The following STEAP1B variants were observed in gnomAD, a reference collection of about 807,000 sequenced individuals.
The protein encoded by STEAP1B is STEAP family protein MGC87042.
A neutral mutation model predicts 27.9 loss-of-function variants in STEAP1B; 13 were observed. That is an observed-to-expected ratio of 0.47 (90% CI 0.30 to 0.74). STEAP1B has a LOEUF of 0.74. STEAP1B is among the 30% of genes least tolerant of loss of function. The pLI, the probability that STEAP1B is intolerant of heterozygous loss-of-function variation, is 0.06. For missense variants in STEAP1B, 250 were observed against 298.7 expected, an observed-to-expected ratio of 0.84 and a Z score of 1.20; for synonymous variants, 86 against 107.1, an observed-to-expected ratio of 0.80 and a Z score of 1.22.
chr7:22,488,942 C>G, intron 4 of STEAP1B, among the ~76,000 whole-genome samples: 1 of 152,134 alleles, frequency 6.6e-6, no homozygotes, highest in East Asian at 1.9e-4. Context: ...GTTGAAGAAG[C>G]CATAAAAATG....
chr7:22,452,396 C>A (rs1220221109), intron 4 of STEAP1B, among the ~76,000 whole-genome samples: 1 of 152,054 alleles, frequency 6.6e-6, no homozygotes, highest in Non-Finnish European at 1.5e-5. Flanking sequence ...AGGCTCCCTG[C>A]AGCGCCCTCT....
intron 4 of STEAP1B, among the ~76,000 whole-genome samples, chr7:22,467,835 C>T (rs967872283): frequency 1.1e-4 from 16 of 152,112 alleles, no homozygotes; most frequent in African/African-American, 3.9e-4. Context: ...AATACAAATA[C>T]CCTACCAAGA....
At position 22,474,863 on chromosome 7, in the gene STEAP1B, C is replaced by T. The variant is rs1354580575; in HGVS notation, c.762+17702G>A. On this transcript the variant is annotated intron_variant, in intron 4 of 4. Coordinates refer to ENST00000678116, the MANE Select transcript of STEAP1B (RefSeq NM_001382447.1). ...GGACAGCTCCCATTCCAGTGGTGAG[C>T]CTAAGACCCAGGCAGGTAGCTGTGT... Among the ~76,000 whole-genome samples, 9 of 152,172 alleles carry T rather than the reference C, an allele frequency of 5.9e-5. No individual in the cohort carries two copies. In the South Asian group the frequency reaches 1.9e-3, roughly 32 times the overall value.
At chr7:22,430,726 G>C (rs1026038001) in intron 4 of STEAP1B, among the ~76,000 whole-genome samples, 4 of 152,186 alleles carry the variant, frequency 2.6e-5, no homozygotes, top group Non-Finnish European at 5.9e-5. Context: ...GCTGTTTCCT[G>C]CTGCTTAAAG....
At chr7:22,492,751 A>C (rs768093767) in intron 3 of STEAP1B, 22 bp from the exon 4 acceptor site, 1 of 1,574,378 alleles carries the variant, frequency 6.4e-7, no homozygotes, top group Non-Finnish European at 8.6e-7. Context: ...TAAATAAAGA[A>C]AGAAGAAATG....
intron 4 of STEAP1B, among the ~76,000 whole-genome samples, chr7:22,457,937 C>T (rs1328275902): frequency 1.3e-5 from 2 of 152,142 alleles, no homozygotes; most frequent in Non-Finnish European, 1.5e-5. Flanking sequence ...CCCAAAAAAC[C>T]CCAACAGGAT....
At chr7:22,448,310 AT>A (rs1231353332) in intron 4 of STEAP1B, among the ~76,000 whole-genome samples, 1 of 152,128 alleles carries the variant, frequency 6.6e-6, no homozygotes, top group African/African-American at 2.4e-5. Flanking sequence ...TACCAATTAT[AT>A]TTTTCCATTA....
intron 4 of STEAP1B, among the ~76,000 whole-genome samples, chr7:22,481,794 T>C (rs144256073): frequency 1.7e-4 from 26 of 152,158 alleles, no homozygotes; most frequent in African/African-American, 6.0e-4. Context: ...AGCCAGAGGA[T>C]TGTGTTGAAA....
intron 4 of STEAP1B, among the ~76,000 whole-genome samples, chr7:22,472,536 T>G (rs1785903018): frequency 6.6e-6 from 1 of 152,234 alleles, no homozygotes; most frequent in African/African-American, 2.4e-5. Flanking sequence ...TTTAGAAGTT[T>G]TACGGCAAGT....
At chr7:22,446,126 C>A (rs1785406085) in intron 4 of STEAP1B, among the ~76,000 whole-genome samples, 1 of 152,220 alleles carries the variant, frequency 6.6e-6, no homozygotes, top group African/African-American at 2.4e-5. Context: ...TATTTAAAAG[C>A]TGGGCTGTAT....
intron 4 of STEAP1B, among the ~76,000 whole-genome samples, chr7:22,456,599 T>C (rs1047136385): frequency 6.6e-6 from 1 of 152,162 alleles, no homozygotes; most frequent in African/African-American, 2.4e-5. Context: ...TTTTTACTTA[T>C]GCCCATTTTG....
rs747196839 is a variant in STEAP1B, at chr7:22,493,721, A to G, written c.200T>C (p.Leu67Pro). Residue 67 changes from leucine to proline, a missense_variant, in exon 3 of 5, where the codon CTC becomes CCC. Coordinates refer to ENST00000678116, the MANE Select transcript of STEAP1B (RefSeq NM_001382447.1). ...CPSELQHAQELFPQWHLPIKI... is the reference protein window; with the variant it reads ...CPSELQHAQEPFPQWHLPIKI... ...AATTGGCAAGTGCCACTGTGGAAAGAGTTCCTGTGCGTGCTGAAGTTCTGA... is the reference window on the plus strand; with the variant it reads ...AATTGGCAAGTGCCACTGTGGAAAGGGTTCCTGTGCGTGCTGAAGTTCTGA... 1 of 1,614,010 alleles carries G rather than the reference A, an allele frequency of 6.2e-7. No individual in the cohort carries two copies. The highest frequency in any genetic ancestry group is 8.5e-7 in the Non-Finnish European group (1 of 1,179,870).
intron 4 of STEAP1B, among the ~76,000 whole-genome samples, chr7:22,450,855 A>G (rs1785475625): frequency 1.3e-5 from 2 of 152,060 alleles, no homozygotes; most frequent in African/African-American, 4.8e-5. Context: ...CATTATAAAG[A>G]TCTTTCACTT....
At chr7:22,454,977 C>T (rs927574848) in intron 4 of STEAP1B, among the ~76,000 whole-genome samples, 1 of 151,564 alleles carries the variant, frequency 6.6e-6, no homozygotes, top group Non-Finnish European at 1.5e-5. Flanking sequence ...ATTCTTCTGC[C>T]TCAGCCTCTC....
intron 4 of STEAP1B, among the ~76,000 whole-genome samples, chr7:22,472,697 C>A (rs138392843): frequency 2.0e-5 from 3 of 152,178 alleles, no homozygotes; most frequent in Non-Finnish European, 4.4e-5. Context: ...CTTTTCACAG[C>A]AGTCTTCCTT....
At chr7:22,449,485 A>G (rs1416388800) in intron 4 of STEAP1B, among the ~76,000 whole-genome samples, 1 of 152,224 alleles carries the variant, frequency 6.6e-6, no homozygotes, top group African/African-American at 2.4e-5. Context: ...CTTATCCTTT[A>G]CTATGGCTGA....
rs114613312 is a variant in STEAP1B, at chr7:22,419,769, G to A, written c.*35C>T. The A allele has an allele frequency of 1.6e-4, 251 of 1,547,226 alleles. No homozygotes were observed. The African/African-American group carries it at 2.1e-3, about 13-fold the overall frequency. ...ATCCAATGCTGTGCTCCAAAGCCTCGTTCTCATTTCCTCTCATGTTACTGG... is the reference window on the plus strand; with the variant it reads ...ATCCAATGCTGTGCTCCAAAGCCTCATTCTCATTTCCTCTCATGTTACTGG... On this transcript the variant is annotated 3_prime_UTR_variant, in exon 5 of 5. Transcript: ENST00000678116.
At chr7:22,498,795 T>G (rs1458947687) in intron 1 of STEAP1B, among the ~76,000 whole-genome samples, 2 of 148,502 alleles carry the variant, frequency 1.3e-5, no homozygotes, top group Non-Finnish European at 3.0e-5. Flanking sequence ...CAGTGTTTGC[T>G]GACTGATTGC....
Position 22,485,210 on chromosome 7 carries a change from G to A in STEAP1B, c.762+7355C>T, listed in dbSNP as rs35006856. ...ATCAAACAGCATCACATGCCACAGA[G>A]AAATCTTTCCTGAAAGGAAGAGCCC... On this transcript the variant is annotated intron_variant, in intron 4 of 4. Transcript: ENST00000678116. 1.6e-3 allele frequency among the ~76,000 whole-genome samples: 250 copies of A among 152,308 alleles called. 1 individual carries two copies. The highest frequency in any genetic ancestry group is 3.3e-3 in the Non-Finnish European group (226 of 68,024).
Sources: gnomAD v4.1 joint callset for allele counts (sites outside exome capture counted in the v4.1 genomes callset) on GRCh38, gnomAD v4.1.1 for gene constraint, MANE v1.5 for transcripts, NCBI Gene and HGNC (gene_info 2026-07-23, HGNC 2026-07-21) for gene names.